Variants in OSBPL6 observed in about 807,000 individuals in gnomAD.
OSBPL6 encodes the protein oxysterol binding protein like 6, also known as oxysterol-binding protein-related protein 6.
OSBPL6 carries 49 observed loss-of-function variants against 125.8 expected under a neutral mutation model. That is an observed-to-expected ratio of 0.39 (90% CI 0.31 to 0.49). The LOEUF (loss-of-function observed/expected upper bound fraction) is 0.49, where lower values mean the gene tolerates loss of function less well. OSBPL6 is among the 20% of genes least tolerant of loss of function. The probability of loss-of-function intolerance (pLI) is 0.88; values close to 1 mark genes in which losing one functional copy is unlikely to be tolerated. For synonymous variants in OSBPL6, 394 were observed against 391.8 expected (o/e 1.01, Z -0.07); for missense variants, 986 against 1,135.4 (o/e 0.87, Z 1.89).
At chr2:178,208,003 G>A (rs1016347965) in intron 1 of OSBPL6, among the ~76,000 whole-genome samples, 10 of 152,104 alleles carry the variant, frequency 6.6e-5, no homozygotes, top group African/African-American at 2.4e-4. Context: ...TAAAGTGCCG[G>A]GCTGGGCATG....
intron 12 of OSBPL6, among the ~76,000 whole-genome samples, chr2:178,358,853 G>A (rs1349880106): frequency 6.6e-6 from 1 of 152,030 alleles, no homozygotes; most frequent in Admixed American, 6.6e-5. Context: ...TACAGAATGG[G>A]AAAAAATATT....
chr2:178,249,433 C>G (rs1345158632), intron 1 of OSBPL6, among the ~76,000 whole-genome samples: 1 of 152,082 alleles, frequency 6.6e-6, no homozygotes, highest in Non-Finnish European at 1.5e-5. Flanking sequence ...TTGATTTTCA[C>G]TAGGATTTTC....
chr2:178,226,671 C>T (rs1374123881), intron 1 of OSBPL6, among the ~76,000 whole-genome samples: 1 of 152,110 alleles, frequency 6.6e-6, no homozygotes, highest in East Asian at 1.9e-4. Context: ...AAATGGTTAT[C>T]TTTAACGGAT....
At chr2:178,306,402 G>A in intron 3 of OSBPL6, 116 bp downstream of exon 3, 2 of 661,736 alleles carry the variant, frequency 3.0e-6, no homozygotes, top group East Asian at 5.5e-5. Flanking sequence ...TATTCCAAGT[G>A]AAAAATCGTC....
At chr2:178,354,108 A>G (rs1430540702) in intron 12 of OSBPL6, among the ~76,000 whole-genome samples, 1 of 152,198 alleles carries the variant, frequency 6.6e-6, no homozygotes, top group Non-Finnish European at 1.5e-5. Context: ...GAAAGAAACA[A>G]CTGGTACCAG....
At chr2:178,388,244 C>A (rs1312936575) in intron 20 of OSBPL6, among the ~76,000 whole-genome samples, 2 of 152,160 alleles carry the variant, frequency 1.3e-5, no homozygotes, top group Admixed American at 1.3e-4. Flanking sequence ...TTTGTGCCAT[C>A]TTAGTATGCT....
chr2:178,226,956 A>C (rs894976833), intron 1 of OSBPL6, among the ~76,000 whole-genome samples: 1 of 152,218 alleles, frequency 6.6e-6, no homozygotes, highest in Admixed American at 6.5e-5. Context: ...GATTTGCTTC[A>C]ATACAATTTC....
At chr2:178,199,099 G>C (rs2089085831) in intron 1 of OSBPL6, among the ~76,000 whole-genome samples, 1 of 151,768 alleles carries the variant, frequency 6.6e-6, no homozygotes, top group African/African-American at 2.4e-5. Flanking sequence ...CTTCACTCAG[G>C]CTTTGCCATG....
chr2:178,223,092 AG>A (rs1463477786), intron 1 of OSBPL6, among the ~76,000 whole-genome samples: 1 of 152,160 alleles, frequency 6.6e-6, no homozygotes. Context: ...TGTACACAGG[AG>A]TATGTACTTG....
intron 13 of OSBPL6, among the ~76,000 whole-genome samples, chr2:178,368,437 C>A (rs990664682): frequency 3.8e-4 from 58 of 152,260 alleles, no homozygotes; most frequent in African/African-American, 1.3e-3. Flanking sequence ...AAAATGATGT[C>A]TTTAAAACTT....
At chr2:178,391,259 G>A (rs1416564033) in intron 22 of OSBPL6, 42 bp downstream of exon 22, 1 of 1,536,530 alleles carries the variant, frequency 6.5e-7, no homozygotes, top group Non-Finnish European at 8.7e-7. Flanking sequence ...AGGGCACTAT[G>A]GACAACAGAA....
At chr2:178,372,344 A>G (rs1333367585) in intron 14 of OSBPL6, 111 bp downstream of exon 14, 1 of 696,492 alleles carries the variant, frequency 1.4e-6, no homozygotes, top group Non-Finnish European at 2.3e-6. Flanking sequence ...GGTTCCCTCC[A>G]TAAATATTTG....
At chr2:178,270,892 C>T (rs2092361839) in intron 1 of OSBPL6, among the ~76,000 whole-genome samples, 1 of 152,118 alleles carries the variant, frequency 6.6e-6, no homozygotes, top group African/African-American at 2.4e-5. Context: ...TTTTATCAGG[C>T]CAAATCCCCA....
chr2:178,390,683 AT>A lies in OSBPL6; in HGVS notation c.2302-387del, dbSNP rs1158722345. On this transcript the variant is annotated intron_variant, in intron 21 of 24. Coordinates refer to ENST00000190611, the MANE Select transcript of OSBPL6 (RefSeq NM_032523.4). ...AGGGCCCTCCTCATAAAATTTGGCCATTTATAGATACTATGAAAATTATTTC... is the reference window on the plus strand; with the variant it reads ...AGGGCCCTCCTCATAAAATTTGGCCATTATAGATACTATGAAAATTATTTC... Among the ~76,000 whole-genome samples the A allele has an allele frequency of 2.0e-5, 3 of 152,354 alleles. No individual in the cohort carries two copies. The East Asian group carries it at 5.8e-4, about 29-fold the overall frequency.
At chr2:178,322,357 G>C (rs2154071478) in intron 3 of OSBPL6, among the ~76,000 whole-genome samples, 1 of 152,262 alleles carries the variant, frequency 6.6e-6, no homozygotes, top group Non-Finnish European at 1.5e-5. Flanking sequence ...TACCTGACTG[G>C]AAGATTAAAG....
rs1696125685 is a variant in OSBPL6 at position 178,402,414 on chromosome 2, G to T, written c.*6855G>T. The stretch of plus-strand genomic sequence containing the variant: ...TAGGCTTTGTCTATGTCTCTAAGGG[G>T]AGTTTTTCAGTTGACTGATGAGGTC... On this transcript the variant is annotated 3_prime_UTR_variant, in exon 25 of 25. Transcript: ENST00000190611. 1 of 152,172 alleles carries T rather than the reference G, an allele frequency of 6.6e-6. No individual in the cohort carries two copies. The allele number at this position is 152,172 out of a possible 1,614,324, so 9.4% of individuals were successfully genotyped here.
chr2:178,339,122 G>C (rs374032521), intron 10 of OSBPL6, 28 bp downstream of exon 10: 8 of 1,421,424 alleles, frequency 5.6e-6, no homozygotes, highest in African/African-American at 1.4e-5. Context: ...GCTGGTAAAA[G>C]GACTTAGGGT....
At chr2:178,305,490 T>C (rs1686678129) in intron 2 of OSBPL6, among the ~76,000 whole-genome samples, 2 of 152,232 alleles carry the variant, frequency 1.3e-5, no homozygotes, top group Non-Finnish European at 2.9e-5. Flanking sequence ...GAGTCACATG[T>C]AGGCATGCTG....
At position 178,375,750 on chromosome 2, in the gene OSBPL6, G is replaced by A. The variant is rs574571617; in HGVS notation, c.1533+1723G>A. On this transcript the variant is annotated intron_variant, in intron 15 of 24. Coordinates refer to ENST00000190611, the MANE Select transcript of OSBPL6 (RefSeq NM_032523.4). Reference sequence around the variant, plus strand: ...TTCATCCTTCTTTAGTCAGGTTACAGTCAGACTTGACCGTGCATTATGTGA... The same window carrying A: ...TTCATCCTTCTTTAGTCAGGTTACAATCAGACTTGACCGTGCATTATGTGA... Among the ~76,000 whole-genome samples, 21 of 152,310 alleles carry A rather than the reference G, an allele frequency of 1.4e-4. 1 individual carries two copies. In the South Asian group the frequency reaches 3.9e-3, roughly 29 times the overall value.
Sources: gnomAD v4.1 joint callset for allele counts (sites outside exome capture counted in the v4.1 genomes callset) on GRCh38, gnomAD v4.1.1 for gene constraint, MANE v1.5 for transcripts, NCBI Gene and HGNC (gene_info 2026-07-23, HGNC 2026-07-21) for gene names.